Variants in CASZ1 observed in about 807,000 individuals in gnomAD.
CASZ1 encodes the protein castor zinc finger 1, also known as zinc finger protein castor homolog 1.
CASZ1 carries 28 observed loss-of-function variants against 135.2 expected under a neutral mutation model. That is an observed-to-expected ratio of 0.21 (90% CI 0.15 to 0.28). CASZ1 has a LOEUF of 0.28. CASZ1 is among the 10% of genes least tolerant of loss of function. The pLI is 1.00. For missense variants in CASZ1, 2,161 were observed against 2,453.3 expected (o/e 0.88, Z 2.52); for synonymous variants, 1,068 against 1,073.4 (o/e 0.99, Z 0.10).
At chr1:10,640,199 G>T in intron 20 of CASZ1, 140 bp from the exon 21 acceptor site, 1 of 1,292,298 alleles carries the variant, frequency 7.7e-7, no homozygotes. Context: ...CCTGGCTTGG[G>T]AGGCCTCTCC....
rs1553138511 is a variant in CASZ1 at position 10,741,790 on chromosome 1, T to TTATATTTTTATATATATATA, written c.-77+18910_-77+18911insTATATATATATAAAAATATA. On this transcript the variant is annotated intron_variant, in intron 2 of 20. Coordinates refer to ENST00000377022, the MANE Select transcript of CASZ1 (RefSeq NM_001079843.3). The surrounding 1 kb of genome is among the most constrained non-coding windows in gnomAD (Gnocchi z 5.0). Reference sequence around the variant, plus strand: ...CTTTACAAACGACTTTTATACATATTTATATATATATATAGTTATATATTA... The same window carrying TTATATTTTTATATATATATA: ...CTTTACAAACGACTTTTATACATATTTATATTTTTATATATATATATATATATATATATAGTTATATATTA... Among the ~76,000 whole-genome samples the TTATATTTTTATATATATATA allele has an allele frequency of 6.6e-6, 1 of 151,170 alleles. No individual in the cohort carries two copies. Among genetic ancestry groups the TTATATTTTTATATATATATA allele is most frequent in the East Asian group, 1.9e-4 (1 of 5,166 alleles).
chr1:10,749,116 T>C (rs1256257276), intron 2 of CASZ1, among the ~76,000 whole-genome samples: 1 of 152,132 alleles, frequency 6.6e-6, no homozygotes, highest in Non-Finnish European at 1.5e-5. Context: ...GGAGCCCTGC[T>C]AATTAATGAG....
At position 10,709,600 on chromosome 1, in the gene CASZ1, AAGAAAGAGAGAGCGGGAGAG is replaced by A. The variant is rs1639244455; in HGVS notation, c.-76-4076_-76-4057del. ...GGAAAAGCATGTTAAAAGAGTGAAA[AAGAAAGAGAGAGCGGGAGAG>A]GGGGAGAGAGAGAGAGGGAGAGAGA... On this transcript the variant is annotated intron_variant, in intron 2 of 20. Coordinates refer to ENST00000377022, the MANE Select transcript of CASZ1 (RefSeq NM_001079843.3). This position sits in a 1 kb window ranked among gnomAD's most constrained non-coding sequence, Gnocchi z 5.1. Among the ~76,000 whole-genome samples the A allele has an allele frequency of 6.6e-6, 1 of 152,130 alleles. No homozygotes were observed. Among genetic ancestry groups the A allele is most frequent in the Non-Finnish European group, 1.5e-5 (1 of 68,018 alleles).
chr1:10,715,568 C>T (rs1639364563), intron 2 of CASZ1, among the ~76,000 whole-genome samples: 1 of 144,802 alleles, frequency 6.9e-6, no homozygotes, highest in East Asian at 2.1e-4. Context: ...CCACAGCATC[C>T]AATCCGCACC....
In CASZ1 at chr1:10,660,241, C is replaced by T; in HGVS notation, c.801G>A (p.Lys267=). The change falls in exon 6 of 21, where the codon AAG becomes AAA. Residue 267 remains lysine, a synonymous_variant. Coordinates refer to ENST00000377022, the MANE Select transcript of CASZ1 (RefSeq NM_001079843.3). ...PSTKTEERVG[K]EVVGTLPGLR... ...GGCCGGGCAGGGTGCCCACCACCTC[C>T]TTGCCCACCCGCTCCTCGGTCTTGG... 6.2e-7 allele frequency: 1 copy of T among 1,613,364 alleles called. No homozygotes were observed. The highest frequency in any genetic ancestry group is 1.1e-5 in the South Asian group (1 of 91,066).
At chr1:10,766,504 A>G (rs924038214) in intron 1 of CASZ1, among the ~76,000 whole-genome samples, 2 of 152,266 alleles carry the variant, frequency 1.3e-5, no homozygotes, top group Admixed American at 1.3e-4. Flanking sequence ...TAGAGCCACC[A>G]GACAGGGCTC....
intron 20 of CASZ1, 151 bp from the exon 21 acceptor site, chr1:10,640,210 T>A (rs1642155083): frequency 1.8e-6 from 2 of 1,111,376 alleles, no homozygotes; most frequent in East Asian, 5.0e-5. Context: ...AGGCCTCTCC[T>A]GCCCCGCCCC....
chr1:10,769,706 AG>A (rs1640540916), intron 1 of CASZ1, among the ~76,000 whole-genome samples: 1 of 152,050 alleles, frequency 6.6e-6, no homozygotes, highest in South Asian at 2.1e-4. Context: ...TAGTAGAGAC[AG>A]GGTTTCGCCA....
At chr1:10,716,137 C>T (rs1234076120) in intron 2 of CASZ1, among the ~76,000 whole-genome samples, 5 of 150,472 alleles carry the variant, frequency 3.3e-5, no homozygotes, top group South Asian at 2.1e-4. Context: ...GCACCCAATC[C>T]GCTCCCCACA....
chr1:10,752,069 C>T (rs903413015), intron 2 of CASZ1, among the ~76,000 whole-genome samples: 2 of 152,216 alleles, frequency 1.3e-5, no homozygotes, highest in African/African-American at 4.8e-5. Flanking sequence ...GGCCAGCACC[C>T]TGCAGGGCAC....
chr1:10,728,534 C>T (rs1250064177), intron 2 of CASZ1, among the ~76,000 whole-genome samples: 1 of 152,182 alleles, frequency 6.6e-6, no homozygotes, highest in African/African-American at 2.4e-5. Flanking sequence ...GTTTCTCTCC[C>T]CAGCTGTCTA....
At chr1:10,722,227 G>C (rs1639510212) in intron 2 of CASZ1, among the ~76,000 whole-genome samples, 1 of 152,206 alleles carries the variant, frequency 6.6e-6, no homozygotes, top group African/African-American at 2.4e-5. Context: ...CATGGCTTTA[G>C]GGAGAACAGG....
Position 10,639,127 on chromosome 1 carries a change from C to A in CASZ1, c.5095G>T (p.Glu1699Ter). The change falls in exon 21 of 21, where the codon GAG (glutamate) becomes TAG (stop). Residue 1699 changes from glutamate to a stop codon, truncating the protein, a stop_gained. Coordinates refer to ENST00000377022, the MANE Select transcript of CASZ1 (RefSeq NM_001079843.3). LOFTEE classifies it high-confidence loss of function. This position sits in a 1 kb window ranked among gnomAD's most constrained non-coding sequence, Gnocchi z 4.0. Reference protein sequence around the residue: ...AEDDEDEDDDEDDDDEDDDED... With the variant: ...AEDDEDEDDD The stretch of plus-strand genomic sequence containing the variant: ...TCGTCGTCCTCGTCGTCGTCGTCCT[C>A]GTCGTCGTCCTCGTCCTCGTCGTCT... 1.7e-6 allele frequency: 2 copies of A among 1,154,234 alleles called. No individual in the cohort carries two copies. The highest frequency in any genetic ancestry group is 2.2e-5 in the South Asian group (1 of 46,446). 71.5% of individuals were successfully genotyped at this position (1,154,234 alleles called of 1,614,324 possible).
At chr1:10,669,330 C>T (rs970011285) in intron 4 of CASZ1, among the ~76,000 whole-genome samples, 11 of 152,244 alleles carry the variant, frequency 7.2e-5, no homozygotes, top group South Asian at 4.1e-4. Flanking sequence ...TTCCCCTGCC[C>T]CGTCCCCTCC....
intron 2 of CASZ1, among the ~76,000 whole-genome samples, chr1:10,753,509 T>A (rs1331304255): frequency 6.6e-6 from 1 of 152,186 alleles, no homozygotes; most frequent in Non-Finnish European, 1.5e-5. Flanking sequence ...GCTCAACGGC[T>A]AATCCCCTGG....
chr1:10,715,678 CGCTCCCT>C (rs1397566566), intron 2 of CASZ1, among the ~76,000 whole-genome samples: 16 of 139,404 alleles, frequency 1.1e-4, no homozygotes, highest in South Asian at 7.4e-4. Context: ...GCACCCAATC[CGCTCCCT>C]GCAGCACCCA....
intron 13 of CASZ1, chr1:10,650,339 CT>C (rs1467990322): frequency 6.5e-6 from 1 of 153,814 alleles, no homozygotes; most frequent in Non-Finnish European, 1.4e-5. Flanking sequence ...TTAGTCCCCC[CT>C]CCCCCATCCC....
In CASZ1 at chr1:10,774,453, C is replaced by T. The variant is rs116090840; in HGVS notation, c.-233-13596G>A. Among the ~76,000 whole-genome samples the T allele has an allele frequency of 8.9e-3, 1,360 of 152,204 alleles. 17 individuals carry two copies. Among genetic ancestry groups the T allele is most frequent in the African/African-American group, 0.031 (1,306 of 41,518 alleles). ...CCACCAGGGCCTCCTGTGTAGTCTA[C>T]AGAGGAAAAGAAGAGGTTGCTGGCC... On this transcript the variant is annotated intron_variant, in intron 1 of 20. Transcript: ENST00000377022. This position sits in a 1 kb window ranked among gnomAD's most constrained non-coding sequence, Gnocchi z 4.4.
At chr1:10,696,697 A>G (rs142724306) in intron 3 of CASZ1, among the ~76,000 whole-genome samples, 352 of 152,370 alleles carry the variant, frequency 2.3e-3, no homozygotes, top group Middle Eastern at 0.01. Context: ...AAGGGATAGA[A>G]GAGGTGATTT....
Sources: gnomAD v4.1 joint callset for allele counts (sites outside exome capture counted in the v4.1 genomes callset) on GRCh38, gnomAD v4.1.1 for gene constraint, Gnocchi (gnomAD v3.1) non-coding constraint, MANE v1.5 for transcripts, NCBI Gene and HGNC (gene_info 2026-07-23, HGNC 2026-07-21) for gene names.